Variants in MYO7B observed in about 807,000 individuals in gnomAD.
The protein encoded by MYO7B is myosin VIIB, also known as unconventional myosin-VIIb.
MYO7B carries 212 observed loss-of-function variants against 259.7 expected under a neutral mutation model. That is an observed-to-expected ratio of 0.82 (90% CI 0.73 to 0.91). The LOEUF is 0.91. Ranked by LOEUF, MYO7B falls within the 40% of genes least tolerant of loss-of-function variation. The pLI is 0.00. For synonymous variants in MYO7B, 1,197 were observed against 1,166.4 expected, an observed-to-expected ratio of 1.03 and a Z score of -0.54; for missense variants, 2,732 against 2,813.5, an observed-to-expected ratio of 0.97 and a Z score of 0.66.
rs114608656 is a variant in MYO7B, at chr2:127,630,758, C to A, written c.4807-20C>A. ...ATGGGCGGTGGCTCCTGGGCACCCA[C>A]AGGCCTGTGCCCCCTTCAGAGCTTG... is the stretch of plus-strand genomic sequence containing the variant. On this transcript the variant is annotated intron_variant, in intron 35 of 47. Coordinates refer to ENST00000409816, the MANE Select transcript of MYO7B (RefSeq NM_001393586.1). 1 of 1,611,656 alleles carries A rather than the reference C, an allele frequency of 6.2e-7. No individual in the cohort carries two copies. The highest frequency in any genetic ancestry group is 8.5e-7 in the Non-Finnish European group (1 of 1,179,354).
chr2:127,545,417 G>A (rs969770759), intron 1 of MYO7B, among the ~76,000 whole-genome samples: 2 of 152,200 alleles, frequency 1.3e-5, no homozygotes, highest in Non-Finnish European at 2.9e-5. Flanking sequence ...TCCCATCCTG[G>A]GTGAGCAGCC....
chr2:127,585,113 G>A lies in MYO7B; in HGVS notation c.1690+200G>A, dbSNP rs1387922002. 1.3e-5 allele frequency among the ~76,000 whole-genome samples: 2 copies of A among 152,286 alleles called. No individual in the cohort carries two copies. Among genetic ancestry groups the A allele is most frequent in the East Asian group, 3.9e-4 (2 of 5,186 alleles). ...TTGTTTCTGGTAATAACTCTGTTGA[G>A]ACATAATTCACATACCATGTTATTT... On this transcript the variant is annotated intron_variant, in intron 14 of 47. Coordinates refer to ENST00000409816, the MANE Select transcript of MYO7B (RefSeq NM_001393586.1). The surrounding 1 kb of genome is among the most constrained non-coding windows in gnomAD (Gnocchi z 4.3).
chr2:127,610,035 C>G lies in MYO7B; in HGVS notation c.3192+19C>G. On this transcript the variant is annotated intron_variant, in intron 24 of 47. Transcript: ENST00000409816. ...TGCACAGGCAAGTGGGGGGCAGCAGCGGGCAGAGGAGGGCGACACCTACCA... is the reference window on the plus strand; with the variant it reads ...TGCACAGGCAAGTGGGGGGCAGCAGGGGGCAGAGGAGGGCGACACCTACCA... The G allele has an allele frequency of 6.2e-7, 1 of 1,605,882 alleles. No homozygotes were observed. Among genetic ancestry groups the G allele is most frequent in the Non-Finnish European group, 8.5e-7 (1 of 1,177,346 alleles).
chr2:127,562,186 G>A (rs1212497241), intron 2 of MYO7B, among the ~76,000 whole-genome samples: 1 of 152,134 alleles, frequency 6.6e-6, no homozygotes, highest in Non-Finnish European at 1.5e-5. Context: ...AGGAATTGGG[G>A]CTTCACTATA....
chr2:127,566,977 C>A (rs1678380539), intron 5 of MYO7B, 150 bp downstream of exon 5: 5 of 812,970 alleles, frequency 6.2e-6, no homozygotes, highest in South Asian at 6.1e-5. Context: ...TTACCCTGCA[C>A]CCCGAGCAGT....
At chr2:127,541,524 G>A (rs1054682367) in intron 1 of MYO7B, among the ~76,000 whole-genome samples, 1 of 152,234 alleles carries the variant, frequency 6.6e-6, no homozygotes, top group Admixed American at 6.5e-5. Context: ...CAATGAGTCT[G>A]AAGGAAACAG....
intron 14 of MYO7B, among the ~76,000 whole-genome samples, chr2:127,588,094 C>A (rs1011644673): frequency 6.6e-6 from 1 of 152,144 alleles, no homozygotes; most frequent in African/African-American, 2.4e-5. Context: ...TCTGAAGGAG[C>A]CTTAGCCCTA....
intron 14 of MYO7B, 109 bp from the exon 15 acceptor site, chr2:127,588,280 TAGG>T: frequency 8.0e-7 from 1 of 1,251,830 alleles, no homozygotes; most frequent in Non-Finnish European, 1.1e-6. Context: ...GGGGCCATTG[TAGG>T]AGGGGGCTCC....
rs570812731 is a variant in MYO7B at position 127,634,524 on chromosome 2, A to G, written c.5626-72A>G. The G allele has an allele frequency of 3.9e-4, 546 of 1,398,932 alleles. 3 individuals carry two copies. In the African/African-American group the frequency reaches 6.7e-3, roughly 17 times the overall value. 86.7% of individuals were successfully genotyped at this position (1,398,932 alleles called of 1,614,324 possible). ...CCAGGCCGTAGGCGGCCACTGGACC[A>G]GAACCCAGCAGGTTCTCAGGAGGAC... On this transcript the variant is annotated intron_variant, in intron 41 of 47. Transcript: ENST00000409816.
At chr2:127,637,291 T>C (rs766767501) in intron 47 of MYO7B, 25 bp from the exon 48 acceptor site, 1 of 1,480,108 alleles carries the variant, frequency 6.8e-7, no homozygotes, top group Non-Finnish European at 8.9e-7. Context: ...ACCCACAGCC[T>C]CTGACCCCCC....
At chr2:127,621,253 A>ATTTTTTTTTTTTTTTTTTT (rs11291906) in intron 27 of MYO7B, among the ~76,000 whole-genome samples, 1 of 136,596 alleles carries the variant, frequency 7.3e-6, no homozygotes. Context: ...CTCTTCTGCA[A>ATTTTTTTTTTTTTTTTTTT]TTTTTTTTTT....
At chr2:127,582,962 G>T (rs1454014447) in intron 12 of MYO7B, among the ~76,000 whole-genome samples, 1 of 152,224 alleles carries the variant, frequency 6.6e-6, no homozygotes. Context: ...AGCTATGACT[G>T]TGATGAAGGC....
rs773969534 is a variant in MYO7B at position 127,609,518 on chromosome 2, A to G, written c.2827A>G (p.Lys943Glu). 2.5e-6 allele frequency: 4 copies of G among 1,612,724 alleles called. No homozygotes were observed. Among genetic ancestry groups the G allele is most frequent in the Non-Finnish European group, 3.4e-6 (4 of 1,179,300 alleles). The change falls in exon 23 of 48, where the codon AAG becomes GAG. Residue 943 changes from lysine (K) to glutamate (E), a missense_variant. Physicochemically the swap from Lys to Glu is moderately conservative, Grantham distance 56. Around this residue, in one of 3 missense-constraint regions of MYO7B, gnomAD observed 1,906 missense variants for 2,026.4 expected, o/e 0.94. Coordinates refer to ENST00000409816, the MANE Select transcript of MYO7B (RefSeq NM_001393586.1). This position sits in a 1 kb window ranked among gnomAD's most constrained non-coding sequence, Gnocchi z 6.9. ...TCAATGGCCGTAGGATCTGGAATCGAAGACCCAGAAGCTGCTTGAGGTTGA... is the reference window on the plus strand; with the variant it reads ...TCAATGGCCGTAGGATCTGGAATCGGAGACCCAGAAGCTGCTTGAGGTTGA... ...ASPHFEDLES[K>E]TQKLLEVDLD...
Position 127,540,510 on chromosome 2 carries a change from C to T in MYO7B, c.-24+4679C>T, listed in dbSNP as rs193062243. Among the ~76,000 whole-genome samples, 157 of 152,280 alleles carry T rather than the reference C, an allele frequency of 1.0e-3. 1 individual carries two copies. Among genetic ancestry groups the T allele is most frequent in the African/African-American group, 3.4e-3 (142 of 41,564 alleles). ...TGACTTATCTTATTGCTGGATCTAA[C>T]GGTAGGTTTAATTGTAGTTCTTTAA... is the stretch of plus-strand genomic sequence containing the variant. On this transcript the variant is annotated intron_variant, in intron 1 of 47. Coordinates refer to ENST00000409816, the MANE Select transcript of MYO7B (RefSeq NM_001393586.1).
intron 6 of MYO7B, among the ~76,000 whole-genome samples, chr2:127,571,446 T>TTTTTTTTTTTTTTTTTTG (rs1558806908): frequency 7.0e-6 from 1 of 142,934 alleles, no homozygotes; most frequent in Non-Finnish European, 1.5e-5. Context: ...CAGTGAGTTT[T>TTTTTTTTTTTTTTTTTTG]TTTTTTTTTT....
intron 43 of MYO7B, 64 bp downstream of exon 43, chr2:127,635,290 G>A (rs1558856821): frequency 2.0e-6 from 3 of 1,476,284 alleles, no homozygotes; most frequent in Admixed American, 3.8e-5. Context: ...CTGTTCTGAG[G>A]CTGTAGAAGC....
In MYO7B at chr2:127,628,072, C is replaced by T; in HGVS notation, c.4461-300C>T. On this transcript the variant is annotated intron_variant, in intron 33 of 47. Transcript: ENST00000409816. The surrounding 1 kb of genome is among the most constrained non-coding windows in gnomAD (Gnocchi z 4.8). The stretch of plus-strand genomic sequence containing the variant: ...GCACATGGCAGAGCCGGCAGCTCAT[C>T]TCAGCTCTGACCTTTGCAGTGTCCC... The T allele has an allele frequency of 1.7e-6, 1 of 585,154 alleles. No homozygotes were observed. Among genetic ancestry groups the T allele is most frequent in the Non-Finnish European group, 3.2e-6 (1 of 310,038 alleles). The allele number at this position is 585,154 out of a possible 1,614,324, so 36.2% of individuals were successfully genotyped here. A position where few individuals can be genotyped will look rare whatever the true frequency, so the allele number is the denominator to read the frequency against.
rs779449469 is a variant in MYO7B at position 127,584,206 on chromosome 2, G to A, written c.1428G>A (p.Glu476=). 19 of 1,613,880 alleles carry A rather than the reference G, an allele frequency of 1.2e-5. No homozygotes were observed. The East Asian group carries it at 4.2e-4, about 36-fold the overall frequency. The change falls in exon 13 of 48, where the codon GAG becomes GAA. Residue 476 remains glutamate (E), a synonymous_variant. Coordinates refer to ENST00000409816, the MANE Select transcript of MYO7B (RefSeq NM_001393586.1). The surrounding 1 kb of genome is among the most constrained non-coding windows in gnomAD (Gnocchi z 5.8). Reference sequence around the variant, plus strand: ...ACGTGTTCACCATGGAGCAAGAGGAGTACCGCTCGGAGAACATCTCCTGGG... The same window carrying A: ...ACGTGTTCACCATGGAGCAAGAGGAATACCGCTCGGAGAACATCTCCTGGG... ...VQHVFTMEQE[E]YRSENISWDY...
In MYO7B at chr2:127,636,831, G is replaced by A; in HGVS notation, c.6245G>A (p.Ser2082Asn). 1.9e-6 allele frequency: 3 copies of A among 1,568,554 alleles called. No individual in the cohort carries two copies. The highest frequency in any genetic ancestry group is 2.6e-6 in the Non-Finnish European group (3 of 1,152,888). The change falls in exon 47 of 48, where the codon AGC becomes AAC. Residue 2082 changes from serine (S) to asparagine (N), a missense_variant. Ser to Asn is a conservative substitution (Grantham distance 46, BLOSUM62 1). Transcript: ENST00000409816. The surrounding 1 kb of genome is among the most constrained non-coding windows in gnomAD (Gnocchi z 4.5). ...ACCTATCCCTTCACCAAGATCTCCA[G>A]CTGGAGCAGCGGCAGCACCTACTTC... ...LTTYPFTKIS[S>N]WSSGSTYFHM...
Sources: allele counts gnomAD v4.1 joint callset (sites outside exome capture counted in the v4.1 genomes callset), GRCh38; gene constraint gnomAD v4.1.1; regional missense constraint gnomAD v4.1.1; non-coding constraint Gnocchi (gnomAD v3.1); transcripts MANE v1.5; gene names NCBI Gene and HGNC (gene_info 2026-07-23, HGNC 2026-07-21).